Variants in ABR observed in about 807,000 individuals in gnomAD.
ABR encodes the protein ABR activator of RhoGEF and GTPase, also known as active breakpoint cluster region-related protein.
Under a neutral mutation model 107.2 loss-of-function variants are expected in ABR, and 35 were observed. The ratio of observed to expected loss-of-function variants is 0.33; its 90% CI spans 0.25 to 0.43. The LOEUF (loss-of-function observed/expected upper bound fraction) is 0.43, where lower values mean the gene tolerates loss of function less well. Ranked by LOEUF, ABR falls within the 20% of genes least tolerant of loss-of-function variation. The pLI, the probability that ABR is intolerant of heterozygous loss-of-function variation, is 1.00. For synonymous variants in ABR, 498 were observed against 462.0 expected, an observed-to-expected ratio of 1.08 and a Z score of -1.00; for missense variants, 815 against 1,115.2, an observed-to-expected ratio of 0.73 and a Z score of 3.83.
intron 10 of ABR, among the ~76,000 whole-genome samples, chr17:1,059,380 A>G (rs1453699145): frequency 6.6e-6 from 1 of 152,196 alleles, no homozygotes; most frequent in Non-Finnish European, 1.5e-5. Flanking sequence ...GCGGGGTGCT[A>G]TGCCTCCTTC....
At chr17:1,206,247 A>C (rs1457658203) in intron 1 of ABR, among the ~76,000 whole-genome samples, 2 of 152,204 alleles carry the variant, frequency 1.3e-5, no homozygotes, top group African/African-American at 4.8e-5. Context: ...TTAGACACTG[A>C]TGCGTTTATA....
upstream of ABR, among the ~76,000 whole-genome samples, chr17:1,188,913 C>T (rs570075780): frequency 6.6e-6 from 1 of 152,322 alleles, no homozygotes; most frequent in Non-Finnish European, 1.5e-5. Flanking sequence ...GAAATCACTG[C>T]ACCAGCTTCT....
chr17:1,188,677 T>C (rs904756165), upstream of ABR, among the ~76,000 whole-genome samples: 5 of 152,214 alleles, frequency 3.3e-5, no homozygotes, highest in African/African-American at 1.2e-4. Flanking sequence ...GCCAAGAGCG[T>C]TGAGAACTCT....
At chr17:1,142,298 ACT>A (rs905831747) in intron 1 of ABR, among the ~76,000 whole-genome samples, 2 of 151,264 alleles carry the variant, frequency 1.3e-5, no homozygotes, top group African/African-American at 4.9e-5. Context: ...TGGAACTAAG[ACT>A]CTTGCTGGGC....
chr17:1,102,685 C>T lies in ABR; in HGVS notation c.247-1950G>A, dbSNP rs2037976869. 3.3e-5 allele frequency among the ~76,000 whole-genome samples: 5 copies of T among 152,244 alleles called. No homozygotes were observed. In the South Asian group the frequency reaches 1.0e-3, roughly 32 times the overall value. Reference sequence around the variant, plus strand: ...CAGAAGCAATGCAGCCCTGGAGATCCTTTTTATTTTAATTAATCTATTTAT... The same window carrying T: ...CAGAAGCAATGCAGCCCTGGAGATCTTTTTTATTTTAATTAATCTATTTAT... On this transcript the variant is annotated intron_variant, in intron 2 of 22. Transcript: ENST00000302538.
chr17:1,131,270 C>T (rs1216486472), intron 1 of ABR, among the ~76,000 whole-genome samples: 484 of 25,608 alleles, frequency 0.019, 21 homozygotes, highest in Middle Eastern at 0.11. Context: ...ACAGCTCCCC[C>T]CTTTGCACAC....
intron 1 of ABR, among the ~76,000 whole-genome samples, chr17:1,196,821 A>T (rs555968995): frequency 0.018 from 2,657 of 151,698 alleles, 62 homozygotes; most frequent in African/African-American, 0.054. Flanking sequence ...CAGCCTCCCG[A>T]GTAGCTGGGA....
chr17:1,147,442 C>T (rs1226798461), intron 1 of ABR, among the ~76,000 whole-genome samples: 1 of 151,524 alleles, frequency 6.6e-6, no homozygotes, highest in Non-Finnish European at 1.5e-5. Context: ...CTCACTGCAA[C>T]CTCTGCCTCC....
intron 1 of ABR, among the ~76,000 whole-genome samples, chr17:1,137,686 G>A (rs189720316): frequency 6.6e-6 from 1 of 152,230 alleles, no homozygotes; most frequent in Non-Finnish European, 1.5e-5. Context: ...ATGCGAGGTG[G>A]CCACACACTT....
Position 1,051,761 on chromosome 17 carries a change from T to C in ABR, c.1562-1127A>G, listed in dbSNP as rs2032559510. Among the ~76,000 whole-genome samples the C allele has an allele frequency of 6.6e-6, 1 of 152,168 alleles. No individual in the cohort carries two copies. The highest frequency in any genetic ancestry group is 2.4e-5 in the African/African-American group (1 of 41,446). On this transcript the variant is annotated intron_variant, in intron 14 of 22. Transcript: ENST00000302538. The surrounding 1 kb of genome is among the most constrained non-coding windows in gnomAD (Gnocchi z 4.3). ...CACTTAGCCCCTGCAGCTGCCCAGC[T>C]GGGCCATTCTCCATCAGAACAGCTT...
At chr17:1,072,819 A>G in intron 7 of ABR, 65 bp from the exon 8 acceptor site, 1 of 1,558,388 alleles carries the variant, frequency 6.4e-7, no homozygotes, top group Non-Finnish European at 8.6e-7. Flanking sequence ...GCCACCGGGG[A>G]GTGCTCAGTC....
chr17:1,198,802 ATT>A (rs538633476), intron 1 of ABR, among the ~76,000 whole-genome samples: 9 of 116,240 alleles, frequency 7.7e-5, no homozygotes, highest in African/African-American at 2.4e-4. Context: ...CACCTGGCAA[ATT>A]TTTTTTTTTT....
chr17:1,180,376 G>T (rs1009712323), upstream of ABR, among the ~76,000 whole-genome samples: 4 of 152,148 alleles, frequency 2.6e-5, no homozygotes, highest in Non-Finnish European at 4.4e-5. Context: ...AGCCAGACCC[G>T]CTGCGGGACC....
Position 1,150,093 on chromosome 17 carries a change from C to T in ABR, c.62-24726G>A, listed in dbSNP as rs2040731923. ...TTATGATTTCTCCCCATAGTCCCGG[C>T]CTGGGAGAGACACCGAGAGGAAGGC... On this transcript the variant is annotated intron_variant, in intron 1 of 22. Transcript: ENST00000302538. The surrounding 1 kb of genome is among the most constrained non-coding windows in gnomAD (Gnocchi z 4.8). 6.6e-6 allele frequency among the ~76,000 whole-genome samples: 1 copy of T among 151,912 alleles called. No individual in the cohort carries two copies. The highest frequency in any genetic ancestry group is 1.5e-5 in the Non-Finnish European group (1 of 68,000).
rs975639773 is a variant in ABR at position 1,051,274 on chromosome 17, G to A, written c.1562-640C>T. Reference sequence around the variant, plus strand: ...GCGTCCCTAGTCTCTCTCCCCCCACGACGTAAACACCATGTGGAGAGAAGC... The same window carrying A: ...GCGTCCCTAGTCTCTCTCCCCCCACAACGTAAACACCATGTGGAGAGAAGC... On this transcript the variant is annotated intron_variant, in intron 14 of 22. Coordinates refer to ENST00000302538, the MANE Select transcript of ABR (RefSeq NM_021962.5). This position sits in a 1 kb window ranked among gnomAD's most constrained non-coding sequence, Gnocchi z 4.3. Among the ~76,000 whole-genome samples, 14 of 152,132 alleles carry A rather than the reference G, an allele frequency of 9.2e-5. No individual in the cohort carries two copies. The South Asian group carries it at 1.0e-3, about 11-fold the overall frequency.
At chr17:1,062,254 G>A in intron 10 of ABR, among the ~76,000 whole-genome samples, 1 of 151,548 alleles carries the variant, frequency 6.6e-6, no homozygotes, top group African/African-American at 2.4e-5. Flanking sequence ...TGAACTGAGG[G>A]CTATGCATGT....
At chr17:1,031,846 T>TTGCCTCCCTCCCTCCCTCCCTCCC in intron 16 of ABR, 4 of 1,204,014 alleles carry the variant, frequency 3.3e-6, no homozygotes, top group Non-Finnish European at 4.1e-6. Flanking sequence ...TTCCCCGCGC[T>TTGCCTCCCTCCCTCCCTCCCTCCC]CGCCTCCCTC....
chr17:1,015,387 C>G (rs144428402), intron 16 of ABR, among the ~76,000 whole-genome samples: 23 of 149,918 alleles, frequency 1.5e-4, no homozygotes, highest in Non-Finnish European at 3.0e-4. Flanking sequence ...CCACTGCACT[C>G]CAGCCTGGCG....
chr17:1,058,808 A>G lies in ABR; in HGVS notation c.1242T>C (p.Asn414=). Residue 414 remains asparagine, a synonymous_variant, in exon 11 of 23, where the codon AAT becomes AAC. Coordinates refer to ENST00000302538, the MANE Select transcript of ABR (RefSeq NM_021962.5). ...GGGAGTTGAGCAGCAGCAGGAACTCATTCTCAAACATCTTCTTCTTCAGGC... is the reference window on the plus strand; with the variant it reads ...GGGAGTTGAGCAGCAGCAGGAACTCGTTCTCAAACATCTTCTTCTTCAGGC... ...IERLKKKMFE[N]EFLLLLNSPT... 6.2e-7 allele frequency: 1 copy of G among 1,614,078 alleles called. No individual in the cohort carries two copies. The highest frequency in any genetic ancestry group is 8.5e-7 in the Non-Finnish European group (1 of 1,180,024).
Sources: gnomAD v4.1 joint callset for allele counts (sites outside exome capture counted in the v4.1 genomes callset) on GRCh38, gnomAD v4.1.1 for gene constraint, Gnocchi (gnomAD v3.1) non-coding constraint, MANE v1.5 for transcripts, NCBI Gene and HGNC (gene_info 2026-07-23, HGNC 2026-07-21) for gene names.